The following CC2D1A variants were observed in gnomAD, a reference collection of about 807,000 sequenced individuals.
The protein encoded by CC2D1A is coiled-coil and C2 domain-containing protein 1A.
A neutral mutation model predicts 123.8 loss-of-function variants in CC2D1A; 68 were observed. That is an observed-to-expected ratio of 0.55 (90% CI 0.45 to 0.67). The LOEUF (loss-of-function observed/expected upper bound fraction) is 0.67. CC2D1A is among the 30% of genes least tolerant of loss of function. The pLI is 0.00. For synonymous variants in CC2D1A, 477 were observed against 528.0 expected (o/e 0.90, Z 1.32); for missense variants, 1,185 against 1,290.3 (o/e 0.92, Z 1.25).
chr19:13,909,422 G>A (rs1166529962), intron 1 of CC2D1A, among the ~76,000 whole-genome samples: 3 of 151,212 alleles, frequency 2.0e-5, no homozygotes, highest in African/African-American at 7.3e-5. Context: ...TGTAGAGTTG[G>A]GGGTCTCACT....
At position 13,923,631 on chromosome 19, in the gene CC2D1A, C is replaced by T. The variant is rs1433373287; in HGVS notation, c.1823+25C>T. 6.2e-7 allele frequency: 1 copy of T among 1,613,862 alleles called. No homozygotes were observed. The highest frequency in any genetic ancestry group is 8.5e-7 in the Non-Finnish European group (1 of 1,179,686). ...AGTAAGTGCCCTGACCTGTGCCAGA[C>T]ACTTGCACCCCCAGCCACCCATCCC... On this transcript the variant is annotated intron_variant, in intron 16 of 28. Coordinates refer to ENST00000318003, the MANE Select transcript of CC2D1A (RefSeq NM_017721.5). This position sits in a 1 kb window ranked among gnomAD's most constrained non-coding sequence, Gnocchi z 5.3.
At chr19:13,920,506 A>G in intron 12 of CC2D1A, 51 bp from the exon 13 acceptor site, 1 of 1,066,058 alleles carries the variant, frequency 9.4e-7, no homozygotes, top group South Asian at 1.3e-5. Flanking sequence ...TGGGGACTGG[A>G]CTCATCACAG....
In CC2D1A at chr19:13,923,470, C is replaced by A; in HGVS notation, c.1764+15C>A. On this transcript the variant is annotated intron_variant, in intron 15 of 28. Transcript: ENST00000318003. The surrounding 1 kb of genome is among the most constrained non-coding windows in gnomAD (Gnocchi z 5.3). ...AGCAGCACGAGGTGAGGGGGAGGCC[C>A]CCAGCCCATCCCCCAGGAGCGTGAC... 3.1e-6 allele frequency: 5 copies of A among 1,614,126 alleles called. No homozygotes were observed. Among genetic ancestry groups the A allele is most frequent in the Non-Finnish European group, 4.2e-6 (5 of 1,180,004 alleles).
At chr19:13,920,285 A>C in intron 12 of CC2D1A, 1 of 519,384 alleles carries the variant, frequency 1.9e-6, no homozygotes, top group Non-Finnish European at 3.3e-6. Flanking sequence ...GTGTTTGGTG[A>C]GAATTGCTTG....
intron 17 of CC2D1A, among the ~76,000 whole-genome samples, chr19:13,925,968 A>G (rs1971592891): frequency 7.5e-6 from 1 of 134,034 alleles, no homozygotes; most frequent in African/African-American, 3.1e-5. Flanking sequence ...ATACACGTAT[A>G]TATATGTGTA....
At chr19:13,908,822 G>A (rs975260928) in intron 1 of CC2D1A, among the ~76,000 whole-genome samples, 1 of 152,194 alleles carries the variant, frequency 6.6e-6, no homozygotes, top group African/African-American at 2.4e-5. Flanking sequence ...TTTGGGCAAA[G>A]TGTGGAGCCT....
chr19:13,927,838 G>C, intron 22 of CC2D1A, 55 bp from the exon 23 acceptor site: 2 of 1,577,924 alleles, frequency 1.3e-6, no homozygotes, highest in South Asian at 2.2e-5. Flanking sequence ...TCCTGGCCCT[G>C]GGCCTCTAGT....
intron 11 of CC2D1A, 155 bp from the exon 12 acceptor site, chr19:13,919,663 G>A (rs995395823): frequency 1.6e-6 from 1 of 642,036 alleles, no homozygotes; most frequent in South Asian, 5.1e-5. Flanking sequence ...GGGCAACAGA[G>A]CGAGATCCTG....
In CC2D1A at chr19:13,913,647, T is replaced by G; in HGVS notation, c.748+9T>G. On this transcript the variant is annotated intron_variant, in intron 6 of 28. Transcript: ENST00000318003. ...GCCCCAGATGCCCCCAGGTAGGTGATGGGCAGGGCCGGGCTGATATGGGAT... is the reference window on the plus strand; with the variant it reads ...GCCCCAGATGCCCCCAGGTAGGTGAGGGGCAGGGCCGGGCTGATATGGGAT... 1 of 1,589,050 alleles carries G rather than the reference T, an allele frequency of 6.3e-7. No homozygotes were observed. Among genetic ancestry groups the G allele is most frequent in the Non-Finnish European group, 8.6e-7 (1 of 1,165,070 alleles).
Position 13,913,573 on chromosome 19 carries a change from T to C in CC2D1A, c.683T>C (p.Leu228Pro). The C allele has an allele frequency of 6.2e-7, 1 of 1,614,002 alleles. No homozygotes were observed. Among genetic ancestry groups the C allele is most frequent in the Non-Finnish European group, 8.5e-7 (1 of 1,179,986 alleles). ...IASAPEPRVT[L>P]EGPSATAPAS... The stretch of plus-strand genomic sequence containing the variant: ...TCAGCCCCAGAGCCCAGGGTCACCC[T>C]GGAGGGACCTTCTGCCACCGCCCCA... Residue 228 changes from leucine (L) to proline (P), a missense_variant, in exon 6 of 29, where the codon CTG (leucine) becomes CCG (proline). Leu to Pro is a moderately conservative substitution (Grantham distance 98, BLOSUM62 -3). Coordinates refer to ENST00000318003, the MANE Select transcript of CC2D1A (RefSeq NM_017721.5).
At chr19:13,927,834 C>T in intron 22 of CC2D1A, 59 bp from the exon 23 acceptor site, 2 of 1,564,058 alleles carry the variant, frequency 1.3e-6, no homozygotes, top group Middle Eastern at 3.4e-4. Flanking sequence ...CTTGTCCTGG[C>T]CCTGGGCCTC....
At position 13,909,816 on chromosome 19, in the gene CC2D1A, C is replaced by T. The variant is rs754032593; in HGVS notation, c.61-7C>T. The T allele has an allele frequency of 2.5e-6, 4 of 1,592,026 alleles. No homozygotes were observed. The South Asian group carries it at 4.5e-5, about 18-fold the overall frequency. On this transcript the variant is annotated splice_region_variant and splice_polypyrimidine_tract_variant and intron_variant, in intron 1 of 28. Transcript: ENST00000318003. ...AAGGTCTGACTGAACCCTTGCTGTT[C>T]CCCTAGCTGGGCCTGCTGGTTGACC...
Position 13,909,216 on chromosome 19 carries a change from C to CA in CC2D1A, c.61-597dup, listed in dbSNP as rs968948892. Among the ~76,000 whole-genome samples, 609 of 148,332 alleles carry CA rather than the reference C, an allele frequency of 4.1e-3. 4 individuals carry two copies. The highest frequency in any genetic ancestry group is 0.014 in the African/African-American group (569 of 40,672). On this transcript the variant is annotated intron_variant, in intron 1 of 28. Coordinates refer to ENST00000318003, the MANE Select transcript of CC2D1A (RefSeq NM_017721.5). ...TGAAACCCCGTCTCTGCTAAAAATA[C>CA]AAAAAAAAAATTAGCCGGGCGTGGT...
At chr19:13,913,843 T>G (rs1348304325) in intron 6 of CC2D1A, among the ~76,000 whole-genome samples, 3 of 151,564 alleles carry the variant, frequency 2.0e-5, no homozygotes, top group African/African-American at 7.3e-5. Context: ...TATTATGATA[T>G]TATGATAAAA....
Position 13,919,192 on chromosome 19 carries a change from C to G in CC2D1A, c.1212C>G (p.Pro404=). The G allele has an allele frequency of 1.2e-6, 2 of 1,612,306 alleles. No homozygotes were observed. The highest frequency in any genetic ancestry group is 1.1e-5 in the South Asian group (1 of 90,996). Residue 404 remains proline, a synonymous_variant, in exon 11 of 29, where the codon CCC becomes CCG. Transcript: ENST00000318003. ...GAGCCGTGGATGTCGCTGAATTGCCCGTGCCCCCAGGTAGGCCTTGCCCCT... is the reference window on the plus strand; with the variant it reads ...GAGCCGTGGATGTCGCTGAATTGCCGGTGCCCCCAGGTAGGCCTTGCCCCT... ...AGRAVDVAEL[P]VPPGFPPIQG...
Position 13,919,167 on chromosome 19 carries a change from G to A in CC2D1A, c.1187G>A (p.Arg396Gln), listed in dbSNP as rs1240076813. 5.0e-6 allele frequency: 8 copies of A among 1,612,780 alleles called. No individual in the cohort carries two copies. In the African/African-American group the frequency reaches 5.3e-5, roughly 11 times the overall value. ...GCCATCCGAGCCCACAAGGCTGGCC[G>A]AGCCGTGGATGTCGCTGAATTGCCC... ...QDAIRAHKAG[R>Q]AVDVAELPVP... is the part of the protein sequence containing the mutation. The change falls in exon 11 of 29, where the codon CGA becomes CAA. Residue 396 changes from arginine (R) to glutamine (Q), a missense_variant. Coordinates refer to ENST00000318003, the MANE Select transcript of CC2D1A (RefSeq NM_017721.5).
chr19:13,926,024 A>ACG (rs1971612527), intron 17 of CC2D1A, among the ~76,000 whole-genome samples: 1 of 106,040 alleles, frequency 9.4e-6, no homozygotes, highest in African/African-American at 5.2e-5. Flanking sequence ...ACGTATATAT[A>ACG]TGTGTATATA....
intron 21 of CC2D1A, 44 bp downstream of exon 21, chr19:13,927,121 G>A (rs748790680): frequency 6.2e-7 from 1 of 1,609,838 alleles, no homozygotes; most frequent in African/African-American, 1.3e-5. Flanking sequence ...CTCCAGGGGA[G>A]GGGAGCTCCT....
intron 14 of CC2D1A, among the ~76,000 whole-genome samples, chr19:13,922,241 A>G (rs879694243): frequency 9.2e-5 from 14 of 152,260 alleles, no homozygotes; most frequent in Admixed American, 3.9e-4. Context: ...ACCTCAGGCA[A>G]TCCACCTGCC....
Sources: allele counts gnomAD v4.1 joint callset (sites outside exome capture counted in the v4.1 genomes callset), GRCh38; gene constraint gnomAD v4.1.1; non-coding constraint Gnocchi (gnomAD v3.1); transcripts MANE v1.5; gene names NCBI Gene and HGNC (gene_info 2026-07-23, HGNC 2026-07-21).